C1GALT1: variants seen among roughly 807,000 people sequenced by gnomAD.
C1GALT1 encodes core 1 synthase, glycoprotein-N-acetylgalactosamine 3-beta-galactosyltransferase 1.
A neutral mutation model predicts 31.0 loss-of-function variants in C1GALT1; 11 were observed. That is an observed-to-expected ratio of 0.36 (90% CI 0.22 to 0.59). C1GALT1 has a LOEUF of 0.59. Among genes scored for constraint, C1GALT1 ranks in the 20% least tolerant of loss-of-function variants. The pLI is 0.79. For synonymous variants in C1GALT1, 175 were observed against 143.6 expected, an observed-to-expected ratio of 1.22 and a Z score of -1.56; for missense variants, 424 against 425.2, an observed-to-expected ratio of 1.00 and a Z score of 0.03.
chr7:7,157,818 C>G (rs1025910262), intron 2 of C1GALT1, among the ~76,000 whole-genome samples: 2 of 152,160 alleles, frequency 1.3e-5, no homozygotes, highest in Admixed American at 6.5e-5. Context: ...CATGTACATT[C>G]TGAACAATTC....
chr7:7,189,076 T>G (rs900657588), intron 1 of C1GALT1, among the ~76,000 whole-genome samples: 3 of 152,204 alleles, frequency 2.0e-5, no homozygotes, highest in African/African-American at 7.2e-5. Context: ...CCAGTATACC[T>G]TATTAACAAT....
chr7:7,229,929 A>G (rs745813839), intron 1 of C1GALT1, among the ~76,000 whole-genome samples: 20 of 152,186 alleles, frequency 1.3e-4, no homozygotes, highest in Non-Finnish European at 2.6e-4. Context: ...CTGAACTTGA[A>G]GGTACAGTCA....
intron 1 of C1GALT1, among the ~76,000 whole-genome samples, chr7:7,230,401 ATTTT>A (rs1417084849): frequency 6.6e-6 from 1 of 151,922 alleles, no homozygotes; most frequent in Non-Finnish European, 1.5e-5. Context: ...TGTATGGTAT[ATTTT>A]TCTATTATTT....
intron 1 of C1GALT1, among the ~76,000 whole-genome samples, chr7:7,184,011 T>G (rs1780706325): frequency 6.6e-6 from 1 of 152,124 alleles, no homozygotes; most frequent in Non-Finnish European, 1.5e-5. Context: ...CATTCTGGTG[T>G]GAGTTTGGGA....
Position 7,176,295 on chromosome 7 carries a change from A to G in C1GALT1, c.-18+18869A>G, listed in dbSNP as rs34089617. 3.8e-3 allele frequency among the ~76,000 whole-genome samples: 572 copies of G among 152,336 alleles called. 2 individuals are homozygous for G. The highest frequency in any genetic ancestry group is 0.01 in the Middle Eastern group (3 of 294). ...GAAATACAACTTGAAATAAGAAAAAAAAAATGCCACATTATGCAGCTACAC... is the reference window on the plus strand; with the variant it reads ...GAAATACAACTTGAAATAAGAAAAAGAAAATGCCACATTATGCAGCTACAC... On this transcript the variant is annotated intron_variant, in intron 2 of 3. Transcript: ENST00000429911.
chr7:7,218,273 A>G (rs1382584980), intron 1 of C1GALT1, among the ~76,000 whole-genome samples: 7 of 152,142 alleles, frequency 4.6e-5, no homozygotes, highest in Non-Finnish European at 7.4e-5. Context: ...AGGCTTAGGG[A>G]TGGGGAATGT....
Position 7,214,565 on chromosome 7 carries a change from G to A in C1GALT1, c.-17-19738G>A, listed in dbSNP as rs767720546. Among the ~76,000 whole-genome samples the A allele has an allele frequency of 5.3e-5, 8 of 152,142 alleles. No homozygotes were observed. The South Asian group carries it at 1.2e-3, about 24-fold the overall frequency. On this transcript the variant is annotated intron_variant, in intron 1 of 3. Coordinates refer to ENST00000436587, the MANE Select transcript of C1GALT1 (RefSeq NM_020156.5). ...GCCATGCCAAGCAGTTAAGATTTTC[G>A]GCTTTCGAACTTTCGAAAGTAACCT... is the stretch of plus-strand genomic sequence containing the variant.
chr7:7,195,535 A>G (rs1781245659), intron 1 of C1GALT1, among the ~76,000 whole-genome samples: 1 of 152,046 alleles, frequency 6.6e-6, no homozygotes, highest in African/African-American at 2.4e-5. Flanking sequence ...AGTGTGAGAG[A>G]GTACTTGCTA....
chr7:7,196,712 C>T (rs530248729), intron 1 of C1GALT1, among the ~76,000 whole-genome samples: 1 of 152,324 alleles, frequency 6.6e-6, no homozygotes, highest in Admixed American at 6.5e-5. Flanking sequence ...TCTCCACATC[C>T]TCTCCAGCAC....
At chr7:7,232,610 C>G (rs1451541571) in intron 1 of C1GALT1, among the ~76,000 whole-genome samples, 3 of 151,776 alleles carry the variant, frequency 2.0e-5, no homozygotes, top group Non-Finnish European at 4.4e-5. Context: ...TTGCCTCAGT[C>G]TCCCAGGTAG....
intron 1 of C1GALT1, among the ~76,000 whole-genome samples, chr7:7,227,719 C>CAA (rs57031681): frequency 0.014 from 1,718 of 119,030 alleles, 41 homozygotes; most frequent in African/African-American, 0.045. Flanking sequence ...GACTCCGTCT[C>CAA]AAAAAAAAAA....
intron 3 of C1GALT1, among the ~76,000 whole-genome samples, chr7:7,239,351 C>T (rs1447610177): frequency 6.6e-6 from 1 of 152,128 alleles, no homozygotes; most frequent in Non-Finnish European, 1.5e-5. Context: ...TTAAGAAGGC[C>T]TCTCAAAGAG....
intron 1 of C1GALT1, among the ~76,000 whole-genome samples, chr7:7,222,959 A>C (rs959346913): frequency 5.9e-5 from 9 of 152,090 alleles, no homozygotes; most frequent in African/African-American, 2.2e-4. Context: ...TTTTAAAAAA[A>C]AGTCAACTGA....
intron 1 of C1GALT1, among the ~76,000 whole-genome samples, chr7:7,188,181 G>T (rs1468585288): frequency 6.6e-6 from 1 of 152,164 alleles, no homozygotes; most frequent in African/African-American, 2.4e-5. Flanking sequence ...ATTGGATTTG[G>T]GGTGAAGATA....
intron 2 of C1GALT1, among the ~76,000 whole-genome samples, chr7:7,164,561 C>T (rs1780372787): frequency 6.6e-6 from 1 of 152,110 alleles, no homozygotes; most frequent in South Asian, 2.1e-4. Flanking sequence ...AGATCAGCAC[C>T]TGTGCATGGA....
intron 1 of C1GALT1, among the ~76,000 whole-genome samples, chr7:7,205,227 A>G (rs1003547839): frequency 1.2e-4 from 18 of 152,130 alleles, no homozygotes; most frequent in Non-Finnish European, 1.9e-4. Flanking sequence ...CTGACCCCTG[A>G]ACAACACAGA....
intron 1 of C1GALT1, among the ~76,000 whole-genome samples, chr7:7,189,956 T>C (rs1190432699): frequency 6.6e-6 from 1 of 152,202 alleles, no homozygotes; most frequent in African/African-American, 2.4e-5. Flanking sequence ...TTTGAAATGC[T>C]GTTTATTATG....
chr7:7,229,044 T>C (rs1782937964), intron 1 of C1GALT1, among the ~76,000 whole-genome samples: 1 of 127,406 alleles, frequency 7.8e-6, no homozygotes, highest in Non-Finnish European at 1.6e-5. Context: ...TAACTTCAGA[T>C]ATCCATATGA....
At chr7:7,168,019 C>G (rs1180285886) in intron 2 of C1GALT1, among the ~76,000 whole-genome samples, 1 of 152,140 alleles carries the variant, frequency 6.6e-6, no homozygotes, top group Non-Finnish European at 1.5e-5. Flanking sequence ...TATAAAGAAG[C>G]ATGTTCTCCA....
Sources: allele counts gnomAD v4.1 joint callset (sites outside exome capture counted in the v4.1 genomes callset), GRCh38; gene constraint gnomAD v4.1.1; transcripts MANE v1.5; gene names NCBI Gene and HGNC (gene_info 2026-07-23, HGNC 2026-07-21).